The following CNGB3 variants were observed in gnomAD, a reference collection of about 807,000 sequenced individuals.
CNGB3 encodes cyclic nucleotide-gated channel beta-3.
Under a neutral mutation model 92.8 loss-of-function variants are expected in CNGB3, and 86 were observed. The ratio of observed to expected loss-of-function variants is 0.93; its 90% CI spans 0.78 to 1.11. CNGB3 has a LOEUF of 1.11. Ranked by LOEUF, CNGB3 falls within the 50% of genes least tolerant of loss-of-function variation. The pLI is 0.00. For missense variants in CNGB3, 1,026 were observed against 956.8 expected, an observed-to-expected ratio of 1.07 and a Z score of -0.95; for synonymous variants, 333 against 332.7, an observed-to-expected ratio of 1.00 and a Z score of -0.01.
chr8:86,630,487 A>G (rs1227660791), intron 11 of CNGB3, among the ~76,000 whole-genome samples: 1 of 152,196 alleles, frequency 6.6e-6, no homozygotes, highest in Non-Finnish European at 1.5e-5. Context: ...AATGGATTGC[A>G]GGCTAGGGAA....
chr8:86,590,853 G>A (rs1325546534), intron 15 of CNGB3, among the ~76,000 whole-genome samples: 2 of 151,036 alleles, frequency 1.3e-5, no homozygotes, highest in Non-Finnish European at 2.9e-5. Context: ...TCTTTGTGGT[G>A]TTCTCTGTAT....
At chr8:86,694,044 C>G (rs1269179106) in intron 3 of CNGB3, among the ~76,000 whole-genome samples, 1 of 145,286 alleles carries the variant, frequency 6.9e-6, no homozygotes, top group Non-Finnish European at 1.5e-5. Flanking sequence ...CGCCCCTCAC[C>G]TCCCGGACGG....
chr8:86,600,762 A>G (rs1294353535), intron 15 of CNGB3, among the ~76,000 whole-genome samples: 4 of 124,342 alleles, frequency 3.2e-5, no homozygotes, highest in Non-Finnish European at 6.4e-5. Flanking sequence ...GGTGCCCACC[A>G]CCACGCTCGG....
At chr8:86,670,614 A>G (rs1823838518) in intron 4 of CNGB3, among the ~76,000 whole-genome samples, 2 of 151,914 alleles carry the variant, frequency 1.3e-5, no homozygotes, top group African/African-American at 2.4e-5. Context: ...GGGCCTCACT[A>G]TGCTGCCCAG....
intron 13 of CNGB3, among the ~76,000 whole-genome samples, chr8:86,615,064 T>G (rs1391097516): frequency 4.6e-5 from 7 of 152,152 alleles, no homozygotes; most frequent in Non-Finnish European, 1.5e-5. Flanking sequence ...CTATTTACAT[T>G]GCATTTGGTA....
intron 2 of CNGB3, among the ~76,000 whole-genome samples, chr8:86,734,839 G>A (rs1332087993): frequency 6.6e-6 from 1 of 152,000 alleles, no homozygotes; most frequent in Non-Finnish European, 1.5e-5. Context: ...TCAGGGTTGG[G>A]ATTTACCAAC....
chr8:86,683,687 A>G (rs187494213), intron 3 of CNGB3, among the ~76,000 whole-genome samples: 52 of 152,266 alleles, frequency 3.4e-4, no homozygotes, highest in African/African-American at 1.2e-3. Flanking sequence ...ATGTACCATT[A>G]AAAAGCTACC....
chr8:86,593,002 G>C (rs1158331791), intron 15 of CNGB3, among the ~76,000 whole-genome samples: 1 of 152,154 alleles, frequency 6.6e-6, no homozygotes, highest in East Asian at 1.9e-4. Flanking sequence ...CTCTGCCTGG[G>C]ATTTTTGATC....
chr8:86,619,544 A>G (rs1041515921), intron 13 of CNGB3, among the ~76,000 whole-genome samples: 6 of 152,108 alleles, frequency 3.9e-5, no homozygotes, highest in Non-Finnish European at 4.4e-5. Context: ...TTATTGAAGC[A>G]AAGTTTTAGT....
Position 86,604,160 on chromosome 8 carries a change from G to C in CNGB3, c.1714C>G (p.Leu572Val), listed in dbSNP as rs771889150. ...ACTTTAGTACCATCAGGGCCTCCAA[G>C]AACTTGGACTTCTCCATGCTTGATG... Reference protein sequence around the residue: ...YIIKHGEVQVLGGPDGTKVLV... With the variant: ...YIIKHGEVQVVGGPDGTKVLV... The change falls in exon 15 of 18, where the codon CTT (leucine) becomes GTT (valine). Residue 572 changes from leucine to valine, a missense_variant. By Grantham distance (32) the Leu-to-Val change is conservative (BLOSUM62 1). Coordinates refer to ENST00000320005, the MANE Select transcript of CNGB3 (RefSeq NM_019098.5). 1.2e-6 allele frequency: 2 copies of C among 1,613,662 alleles called. No homozygotes were observed. The highest frequency in any genetic ancestry group is 1.7e-6 in the Non-Finnish European group (2 of 1,179,664).
intron 2 of CNGB3, among the ~76,000 whole-genome samples, chr8:86,730,352 ACACT>A (rs1825137611): frequency 6.6e-6 from 1 of 152,230 alleles, no homozygotes; most frequent in Admixed American, 6.5e-5. Context: ...AATTAAAAAG[ACACT>A]CAGTTGGCTT....
chr8:86,578,677 C>T lies in CNGB3; in HGVS notation c.2103+12G>A. 6.2e-7 allele frequency: 1 copy of T among 1,613,492 alleles called. No individual in the cohort carries two copies. ...TCTCCATGACAGCCGTCCATTCACTCCACCTTATTACCTGAGCTGCTTGCT... is the reference window on the plus strand; with the variant it reads ...TCTCCATGACAGCCGTCCATTCACTTCACCTTATTACCTGAGCTGCTTGCT... On this transcript the variant is annotated intron_variant, in intron 17 of 17. Coordinates refer to ENST00000320005, the MANE Select transcript of CNGB3 (RefSeq NM_019098.5).
intron 2 of CNGB3, among the ~76,000 whole-genome samples, chr8:86,739,106 G>T (rs1039874446): frequency 6.6e-6 from 1 of 152,024 alleles, no homozygotes; most frequent in African/African-American, 2.4e-5. Context: ...GTGATGAGTT[G>T]AAAAATATTG....
intron 15 of CNGB3, among the ~76,000 whole-genome samples, chr8:86,590,804 G>T (rs1260234344): frequency 4.7e-5 from 7 of 149,590 alleles, no homozygotes; most frequent in African/African-American, 1.7e-4. Flanking sequence ...TGGTGAATCT[G>T]ACAATTATGT....
intron 3 of CNGB3, among the ~76,000 whole-genome samples, chr8:86,702,790 TAAA>T (rs200048062): frequency 4.0e-5 from 6 of 151,838 alleles, no homozygotes; most frequent in African/African-American, 1.5e-4. Context: ...TATTCTTTTT[TAAA>T]AAAAATCTCT....
At chr8:86,676,614 TTAAAA>T (rs1823973862) in intron 3 of CNGB3, among the ~76,000 whole-genome samples, 1 of 152,192 alleles carries the variant, frequency 6.6e-6, no homozygotes, top group Non-Finnish European at 1.5e-5. Flanking sequence ...GATAATCAAC[TTAAAA>T]TATGTAGGTT....
At chr8:86,663,209 T>A (rs1164026282) in intron 6 of CNGB3, among the ~76,000 whole-genome samples, 1 of 152,200 alleles carries the variant, frequency 6.6e-6, no homozygotes, top group African/African-American at 2.4e-5. Flanking sequence ...TAATTGACAT[T>A]GTAACTAGAT....
At chr8:86,588,663 C>A (rs1212213966) in intron 15 of CNGB3, among the ~76,000 whole-genome samples, 10 of 148,454 alleles carry the variant, frequency 6.7e-5, no homozygotes, top group Non-Finnish European at 1.0e-4. Context: ...TATATTGAAC[C>A]AGCCTTGCAT....
chr8:86,621,554 A>AT (rs1258265711), intron 13 of CNGB3, among the ~76,000 whole-genome samples: 1 of 151,820 alleles, frequency 6.6e-6, no homozygotes, highest in Admixed American at 6.6e-5. Context: ...GATTTCTGAG[A>AT]TTTTGGTGCA....
Sources: allele counts gnomAD v4.1 joint callset (sites outside exome capture counted in the v4.1 genomes callset), GRCh38; gene constraint gnomAD v4.1.1; transcripts MANE v1.5; gene names NCBI Gene and HGNC (gene_info 2026-07-23, HGNC 2026-07-21).